PIKFYVE: variants seen among roughly 807,000 people sequenced by gnomAD.
PIKFYVE encodes phosphoinositide kinase, FYVE-type zinc finger containing.
In PIKFYVE, 122 loss-of-function variants were observed where a neutral mutation model predicts 257.9. The ratio of observed to expected loss-of-function variants is 0.47; its 90% confidence interval spans 0.41 to 0.55. PIKFYVE has a LOEUF of 0.55. PIKFYVE is among the 20% of genes least tolerant of loss of function. PIKFYVE has a pLI of 0.00. For missense variants in PIKFYVE, 2,160 were observed against 2,536.6 expected (o/e 0.85, Z 3.19); for synonymous variants, 892 against 868.9 (o/e 1.03, Z -0.47).
At chr2:208,306,539 G>T (rs1694333368) in intron 12 of PIKFYVE, among the ~76,000 whole-genome samples, 1 of 152,162 alleles carries the variant, frequency 6.6e-6, no homozygotes, top group African/African-American at 2.4e-5. Flanking sequence ...TGAAAATCTT[G>T]AAGAAAGTGA....
chr2:208,304,914 G>A lies in PIKFYVE; in HGVS notation c.1537G>A (p.Ala513Thr), dbSNP rs766980836. The A allele has an allele frequency of 5.0e-6, 8 of 1,613,968 alleles. No homozygotes were observed. In the Admixed American group the frequency reaches 5.0e-5, roughly 10 times the overall value. Residue 513 changes from alanine to threonine, a missense_variant, in exon 12 of 42, where the codon GCT (alanine) becomes ACT (threonine). Ala to Thr is a moderately conservative substitution (Grantham distance 58). This residue lies in a region of PIKFYVE where 346 missense variants were observed against 365.6 expected (regional missense o/e 0.95). Transcript: ENST00000264380. ...GTCCACAGTGGACAGTGACTCAGCC[G>A]CTTCTATCAGCCTGAACGTGGAGCT... ...FQSTVDSDSA[A>T]SISLNVELDN...
chr2:208,285,722 C>T lies in PIKFYVE; in HGVS notation c.614-4C>T, dbSNP rs538226876. 6.2e-7 allele frequency: 1 copy of T among 1,612,194 alleles called. No individual in the cohort carries two copies. On this transcript the variant is annotated splice_region_variant and splice_polypyrimidine_tract_variant and intron_variant, in intron 5 of 41. Transcript: ENST00000264380. The stretch of plus-strand genomic sequence containing the variant: ...TTGTTTTTGTTTTTGTTTTTTTCTC[C>T]TAGGAGACCTCCGAGCTTGCACATA...
intron 41 of PIKFYVE, 83 bp from the exon 42 acceptor site, chr2:208,355,107 A>G (rs1700082668): frequency 9.6e-7 from 1 of 1,046,094 alleles, no homozygotes; most frequent in Admixed American, 1.9e-5. Context: ...GGCAGTTTAT[A>G]TGAAAGAACA....
Position 208,298,791 on chromosome 2 carries a change from G to C in PIKFYVE, c.1050+12G>C. The C allele has an allele frequency of 6.2e-7, 1 of 1,613,794 alleles. No homozygotes were observed. Among genetic ancestry groups the C allele is most frequent in the Non-Finnish European group, 8.5e-7 (1 of 1,179,768 alleles). ...GCAAAATTCTTCTGGTACTGGTCCA[G>C]TATCTTTGACCCATTGCTAGTTTTG... On this transcript the variant is annotated intron_variant, in intron 8 of 41. Coordinates refer to ENST00000264380, the MANE Select transcript of PIKFYVE (RefSeq NM_015040.4).
At chr2:208,308,821 T>C (rs915095714) in intron 12 of PIKFYVE, among the ~76,000 whole-genome samples, 11 of 151,920 alleles carry the variant, frequency 7.2e-5, no homozygotes, top group African/African-American at 2.7e-4. Context: ...GATTCTCCTG[T>C]CTTAGCCTCC....
intron 13 of PIKFYVE, among the ~76,000 whole-genome samples, chr2:208,312,815 C>T (rs1415164359): frequency 6.6e-6 from 1 of 152,126 alleles, no homozygotes; most frequent in African/African-American, 2.4e-5. Flanking sequence ...CTTAGCTTAG[C>T]TTCCTAGAGT....
chr2:208,274,481 C>T (rs1379067052), intron 3 of PIKFYVE, among the ~76,000 whole-genome samples: 1 of 152,164 alleles, frequency 6.6e-6, no homozygotes, highest in African/African-American at 2.4e-5. Context: ...CCCCAGAACA[C>T]CAGATCTCGT....
chr2:208,325,906 C>A lies in PIKFYVE; in HGVS notation c.3095C>A (p.Thr1032Asn), dbSNP rs1387078668. 1 of 1,614,128 alleles carries A rather than the reference C, an allele frequency of 6.2e-7. No individual in the cohort carries two copies. The highest frequency in any genetic ancestry group is 8.5e-7 in the Non-Finnish European group (1 of 1,179,988). Residue 1032 changes from threonine (T) to asparagine (N), a missense_variant, in exon 20 of 42, where the codon ACC (threonine) becomes AAC (asparagine). Transcript: ENST00000264380. ...GGATTATATGTTACTGAGGAAGTCACCTCCTCTGAAGATAAACGAAAGACT... is the reference window on the plus strand; with the variant it reads ...GGATTATATGTTACTGAGGAAGTCAACTCCTCTGAAGATAAACGAAAGACT... ...DTGLYVTEEV[T>N]SSEDKRKTYS...
At chr2:208,278,239 TC>T (rs1404483574) in intron 5 of PIKFYVE, among the ~76,000 whole-genome samples, 30 of 152,260 alleles carry the variant, frequency 2.0e-4, no homozygotes, top group African/African-American at 7.2e-4. Context: ...AAAACAAAAC[TC>T]CTAACATCTC....
At chr2:208,273,466 A>T (rs933482697) in intron 2 of PIKFYVE, 118 bp from the exon 3 acceptor site, 60 of 1,208,672 alleles carry the variant, frequency 5.0e-5, no homozygotes, top group Admixed American at 3.5e-4. Context: ...AGGAAAAAAA[A>T]AATTTTTAGT....
intron 12 of PIKFYVE, 104 bp downstream of exon 12, chr2:208,305,117 A>T: frequency 6.4e-7 from 1 of 1,567,314 alleles, no homozygotes; most frequent in East Asian, 2.4e-5. Context: ...CACGTGGCTG[A>T]GGGTATTTGG....
intron 28 of PIKFYVE, among the ~76,000 whole-genome samples, chr2:208,338,270 T>C (rs1309941518): frequency 6.6e-6 from 1 of 152,182 alleles, no homozygotes; most frequent in Non-Finnish European, 1.5e-5. Flanking sequence ...ATTAATGGGT[T>C]TATTATTTAT....
At chr2:208,354,246 C>G in intron 40 of PIKFYVE, 87 bp downstream of exon 40, 1 of 1,431,434 alleles carries the variant, frequency 7.0e-7, no homozygotes, top group Non-Finnish European at 9.5e-7. Flanking sequence ...CTAATAATAG[C>G]TTATTGAATA....
chr2:208,339,619 T>C (rs1407845985), intron 30 of PIKFYVE, 64 bp downstream of exon 30: 1 of 1,564,390 alleles, frequency 6.4e-7, no homozygotes. Context: ...TATCATTGAT[T>C]TACATGAATT....
chr2:208,271,563 A>G lies in PIKFYVE; in HGVS notation c.44A>G (p.Asn15Ser). 1 of 1,614,194 alleles carries G rather than the reference A, an allele frequency of 6.2e-7. No homozygotes were observed. The highest frequency in any genetic ancestry group is 1.1e-5 in the South Asian group (1 of 91,086). Reference protein sequence around the residue: ...DKTSPTLDSANDLPRSPTSPS... With the variant: ...DKTSPTLDSASDLPRSPTSPS... ...ACGTCCCCAACACTGGACTCTGCTA[A>G]TGATTTGCCTCGATCTCCTACTAGT... The change falls in exon 2 of 42, where the codon AAT becomes AGT. Residue 15 changes from asparagine (N) to serine (S), a missense_variant. Transcript: ENST00000264380.
At chr2:208,270,570 A>G (rs932077855) in intron 1 of PIKFYVE, among the ~76,000 whole-genome samples, 5 of 152,172 alleles carry the variant, frequency 3.3e-5, no homozygotes, top group Admixed American at 2.6e-4. Context: ...AACCAGGTTC[A>G]TGTGTTTAGG....
intron 16 of PIKFYVE, among the ~76,000 whole-genome samples, chr2:208,318,589 TTAACC>T (rs1398802932): frequency 1.3e-5 from 2 of 152,342 alleles, no homozygotes; most frequent in Non-Finnish European, 2.9e-5. Context: ...ATGTCTGTTC[TTAACC>T]TAACCCCTAG....
intron 35 of PIKFYVE, among the ~76,000 whole-genome samples, chr2:208,348,599 A>AGTGTGTGTGTGTGT (rs35997291): frequency 0.027 from 3,474 of 128,882 alleles, 66 homozygotes; most frequent in South Asian, 0.037. Flanking sequence ...AAAAAAAAAA[A>AGTGTGTGTGTGTGT]GTGTGTGTGT....
rs1269525934 is a variant in PIKFYVE, at chr2:208,324,214, A to G, written c.2263A>G (p.Thr755Ala). The change falls in exon 18 of 42, where the codon ACA becomes GCA. Residue 755 changes from threonine to alanine, a missense_variant. By Grantham distance (58) the Thr-to-Ala change is moderately conservative. Coordinates refer to ENST00000264380, the MANE Select transcript of PIKFYVE (RefSeq NM_015040.4). ...VRPTLVLVEK[T>A]VSRIAQDMLL... ...ACCCACCTTGGTTCTTGTTGAGAAA[A>G]CAGTGTCTCGGATTGCCCAGGACAT... 1 of 1,613,894 alleles carries G rather than the reference A, an allele frequency of 6.2e-7. No homozygotes were observed. The highest frequency in any genetic ancestry group is 2.2e-5 in the East Asian group (1 of 44,888).
Sources: allele counts gnomAD v4.1 joint callset (sites outside exome capture counted in the v4.1 genomes callset), GRCh38; gene constraint gnomAD v4.1.1; regional missense constraint gnomAD v4.1.1; transcripts MANE v1.5; gene names NCBI Gene and HGNC (gene_info 2026-07-23, HGNC 2026-07-21).